The following UVRAG variants were observed in gnomAD, a reference collection of about 807,000 sequenced individuals.
UVRAG encodes UV radiation resistance associated, also known as UV radiation resistance-associated gene protein.
UVRAG carries 19 observed loss-of-function variants against 78.0 expected under a neutral mutation model. The observed-to-expected ratio is 0.24, with a 90% confidence interval of 0.17 to 0.36. UVRAG has a LOEUF of 0.36. Ranked by LOEUF, UVRAG falls within the 10% of genes least tolerant of loss-of-function variation. The pLI is 1.00. For missense variants in UVRAG, 740 were observed against 853.8 expected (o/e 0.87, Z 1.66); for synonymous variants, 323 against 324.6 (o/e 1.00, Z 0.05).
intron 7 of UVRAG, among the ~76,000 whole-genome samples, chr11:75,972,201 A>G (rs1949136600): frequency 6.6e-6 from 1 of 152,022 alleles, no homozygotes; most frequent in Non-Finnish European, 1.5e-5. Context: ...CTCTTAACAC[A>G]GTATCTTTTG....
chr11:76,137,124 A>G (rs1952610101), intron 14 of UVRAG: 1 of 285,878 alleles, frequency 3.5e-6, no homozygotes, highest in Non-Finnish European at 7.1e-6. Context: ...AATACAGCAT[A>G]TTGTGCCCAG....
chr11:76,084,143 C>A (rs1046640008), intron 13 of UVRAG, among the ~76,000 whole-genome samples: 13 of 152,208 alleles, frequency 8.5e-5, no homozygotes, highest in Non-Finnish European at 1.8e-4. Flanking sequence ...TAATTCCACT[C>A]AGACATCATC....
At chr11:76,098,529 C>G (rs543885150) in intron 13 of UVRAG, among the ~76,000 whole-genome samples, 1 of 152,176 alleles carries the variant, frequency 6.6e-6, no homozygotes, top group Non-Finnish European at 1.5e-5. Flanking sequence ...GTTTTTCAGT[C>G]AAGAATTTTT....
intron 13 of UVRAG, among the ~76,000 whole-genome samples, chr11:76,111,481 C>T (rs1006128204): frequency 6.6e-6 from 1 of 152,114 alleles, no homozygotes; most frequent in Non-Finnish European, 1.5e-5. Context: ...GGTTTACTTG[C>T]TGAAAAAGAT....
At chr11:75,838,799 G>T (rs1359226590) in intron 1 of UVRAG, 1 of 152,178 alleles carries the variant, frequency 6.6e-6, no homozygotes, top group Non-Finnish European at 1.5e-5. Flanking sequence ...GTCTTTAAGA[G>T]GTGATACCAT....
intron 12 of UVRAG, among the ~76,000 whole-genome samples, chr11:76,038,660 G>A (rs138067073): frequency 1.3e-4 from 20 of 152,314 alleles, no homozygotes; most frequent in African/African-American, 4.6e-4. Context: ...TTGACTTTGA[G>A]TTAATTTAAA....
chr11:75,917,832 T>C (rs1264154315), intron 6 of UVRAG, among the ~76,000 whole-genome samples: 1 of 152,240 alleles, frequency 6.6e-6, no homozygotes, highest in East Asian at 1.9e-4. Context: ...ATTGATTCTT[T>C]GGCAAGATGT....
intron 6 of UVRAG, chr11:75,915,251 A>T (rs933565052): frequency 6.6e-6 from 1 of 151,444 alleles, no homozygotes; most frequent in Non-Finnish European, 1.5e-5. Flanking sequence ...TGCAGAGAGA[A>T]AAAAAAAAGA....
chr11:75,930,928 T>TTTCTTTCTTTCTTTCTTTCC (rs1948220153), intron 6 of UVRAG: 4 of 12,352 alleles, frequency 3.2e-4, no homozygotes, highest in African/African-American at 1.3e-3. Flanking sequence ...GTGTCGGGAT[T>TTTCTTTCTTTCTTTCTTTCC]TTCTTTCTTT....
Position 76,041,578 on chromosome 11 carries a change from A to T in UVRAG, c.1227-24132A>T, listed in dbSNP as rs571422850. Among the ~76,000 whole-genome samples the T allele has an allele frequency of 3.9e-3, 600 of 152,312 alleles. 3 individuals are homozygous for T. The highest frequency in any genetic ancestry group is 0.013 in the African/African-American group (550 of 41,574). ...ACTGTGTCTAACACCATGCCCTGCCACCATGCCAGTGTAGTGGCTGCTGCC... is the reference window on the plus strand; with the variant it reads ...ACTGTGTCTAACACCATGCCCTGCCTCCATGCCAGTGTAGTGGCTGCTGCC... On this transcript the variant is annotated intron_variant, in intron 12 of 14. Transcript: ENST00000356136.
At chr11:76,089,522 G>A (rs1951657484) in intron 13 of UVRAG, among the ~76,000 whole-genome samples, 2 of 152,162 alleles carry the variant, frequency 1.3e-5, no homozygotes, top group African/African-American at 4.8e-5. Context: ...GCCATTTGAA[G>A]AATTGAAAAT....
chr11:76,063,477 A>C (rs1951130712), intron 12 of UVRAG, among the ~76,000 whole-genome samples: 1 of 152,306 alleles, frequency 6.6e-6, no homozygotes, highest in East Asian at 1.9e-4. Flanking sequence ...TCACACACGT[A>C]ATCTATTTAT....
At chr11:76,134,117 C>T (rs1330930086) in intron 14 of UVRAG, among the ~76,000 whole-genome samples, 1 of 151,866 alleles carries the variant, frequency 6.6e-6, no homozygotes, top group Non-Finnish European at 1.5e-5. Flanking sequence ...CCCACCACTA[C>T]ACCGGGCTAA....
Position 75,872,408 on chromosome 11 carries a change from A to T in UVRAG, c.271-7471A>T, listed in dbSNP as rs1305480458. ...AATGCTGCCTTTTTTTTTTTTTTTT[A>T]GACGGAGGCTCACTCTGTCGCCCAG... On this transcript the variant is annotated intron_variant, in intron 3 of 14. Coordinates refer to ENST00000356136, the MANE Select transcript of UVRAG (RefSeq NM_003369.4). Among the ~76,000 whole-genome samples, 130 of 41,084 alleles carry T rather than the reference A, an allele frequency of 3.2e-3. 3 individuals carry two copies. The East Asian group carries it at 0.054, about 17-fold the overall frequency. The allele number at this position is 41,084 out of a possible 152,430, so 27.0% of individuals were successfully genotyped here.
At chr11:76,003,552 G>A (rs908769195) in intron 8 of UVRAG, among the ~76,000 whole-genome samples, 4 of 151,834 alleles carry the variant, frequency 2.6e-5, no homozygotes, top group African/African-American at 9.7e-5. Context: ...GAAGATGACG[G>A]TTCATAAAAA....
At chr11:76,103,851 C>T (rs1003599930) in intron 13 of UVRAG, among the ~76,000 whole-genome samples, 4 of 151,614 alleles carry the variant, frequency 2.6e-5, no homozygotes, top group African/African-American at 9.7e-5. Context: ...TTAGAAACAA[C>T]GATTTTAAAA....
intron 3 of UVRAG, among the ~76,000 whole-genome samples, chr11:75,875,053 C>T (rs1946735924): frequency 6.6e-6 from 1 of 152,172 alleles, no homozygotes; most frequent in Non-Finnish European, 1.5e-5. Context: ...TGACTTTATG[C>T]TTAGATACCT....
At chr11:75,945,003 C>T (rs1265945544) in intron 6 of UVRAG, among the ~76,000 whole-genome samples, 1 of 152,060 alleles carries the variant, frequency 6.6e-6, no homozygotes, top group Non-Finnish European at 1.5e-5. Flanking sequence ...CATGTAGTGT[C>T]TACAATGAGA....
intron 1 of UVRAG, among the ~76,000 whole-genome samples, chr11:75,832,168 T>G (rs1263373601): frequency 6.6e-6 from 1 of 152,206 alleles, no homozygotes; most frequent in Non-Finnish European, 1.5e-5. Context: ...TATGTTGGGT[T>G]TTCCCCCCAA....
Sources: allele counts gnomAD v4.1 joint callset (sites outside exome capture counted in the v4.1 genomes callset), GRCh38; gene constraint gnomAD v4.1.1; transcripts MANE v1.5; gene names NCBI Gene and HGNC (gene_info 2026-07-23, HGNC 2026-07-21).